DLG2: variants seen among roughly 807,000 people sequenced by gnomAD.
DLG2 encodes the protein discs large MAGUK scaffold protein 2, also known as disks large homolog 2.
In DLG2, 45 loss-of-function variants were observed where a neutral mutation model predicts 132.5. The ratio of observed to expected loss-of-function variants is 0.34; its 90% CI spans 0.27 to 0.44. The LOEUF (loss-of-function observed/expected upper bound fraction) is 0.44. Among genes scored for constraint, DLG2 ranks in the 20% least tolerant of loss-of-function variants. The pLI, the probability that DLG2 is intolerant of heterozygous loss-of-function variation, is 1.00. For missense variants in DLG2, 1,045 were observed against 1,196.9 expected (o/e 0.87, Z 1.87); for synonymous variants, 424 against 419.6 (o/e 1.01, Z -0.13).
At chr11:84,886,576 G>T (rs953544744) in intron 6 of DLG2, among the ~76,000 whole-genome samples, 1 of 152,042 alleles carries the variant, frequency 6.6e-6, no homozygotes, top group Admixed American at 6.6e-5. Flanking sequence ...ATTTATATTT[G>T]TATATTCGTT....
At chr11:85,294,352 A>C (rs1411528442) in intron 3 of DLG2, among the ~76,000 whole-genome samples, 1 of 152,054 alleles carries the variant, frequency 6.6e-6, no homozygotes, top group Non-Finnish European at 1.5e-5. Flanking sequence ...CATTTGTAAA[A>C]AAAAAAAATC....
chr11:85,367,244 T>A (rs1466778816), intron 3 of DLG2, among the ~76,000 whole-genome samples: 1 of 152,176 alleles, frequency 6.6e-6, no homozygotes, highest in Admixed American at 6.5e-5. Context: ...TGTTCAAATG[T>A]TCTAGAGGCA....
intron 8 of DLG2, among the ~76,000 whole-genome samples, chr11:84,232,188 CTATCT>C (rs2097102809): frequency 1.3e-5 from 2 of 152,178 alleles, no homozygotes; most frequent in African/African-American, 4.8e-5. Flanking sequence ...CTTTGCCATA[CTATCT>C]TTCTAAAGAA....
At chr11:84,128,274 T>C (rs80079358) in intron 9 of DLG2, among the ~76,000 whole-genome samples, 2,569 of 152,308 alleles carry the variant, frequency 0.017, 73 homozygotes, top group African/African-American at 0.058. Context: ...TCTAGCTAGT[T>C]GTATCCAATA....
At chr11:84,634,276 A>T (rs1226269727) in intron 6 of DLG2, among the ~76,000 whole-genome samples, 1 of 152,166 alleles carries the variant, frequency 6.6e-6, no homozygotes, top group African/African-American at 2.4e-5. Flanking sequence ...TCATTTTGAC[A>T]TTCTGAGTTG....
chr11:83,857,464 C>G (rs1303185742), intron 16 of DLG2, among the ~76,000 whole-genome samples: 1 of 151,972 alleles, frequency 6.6e-6, no homozygotes, highest in Non-Finnish European at 1.5e-5. Flanking sequence ...AATGTTTTTT[C>G]ATTTGTTTGT....
intron 6 of DLG2, among the ~76,000 whole-genome samples, chr11:84,676,098 C>T (rs924388929): frequency 6.6e-6 from 1 of 152,054 alleles, no homozygotes; most frequent in African/African-American, 2.4e-5. Context: ...TATCATTCTC[C>T]TGCTGACTTG....
At chr11:83,724,476 T>TGA (rs59782952) in intron 18 of DLG2, among the ~76,000 whole-genome samples, 3,396 of 118,108 alleles carry the variant, frequency 0.029, 58 homozygotes, top group East Asian at 0.058. Flanking sequence ...TGTGTGTGTG[T>TGA]GAGAGAGAGA....
chr11:84,276,967 C>A (rs557417128), intron 7 of DLG2, among the ~76,000 whole-genome samples: 1 of 152,246 alleles, frequency 6.6e-6, no homozygotes, highest in Non-Finnish European at 1.5e-5. Context: ...AAGAAACAAA[C>A]AAGGTGGGCC....
intron 14 of DLG2, among the ~76,000 whole-genome samples, chr11:83,945,991 C>CTTTTTTT (rs1163812479): frequency 8.6e-6 from 1 of 116,504 alleles, no homozygotes; most frequent in African/African-American, 4.0e-5. Flanking sequence ...TTCTCTCTCT[C>CTTTTTTT]TCTTTTTTTT....
intron 3 of DLG2, among the ~76,000 whole-genome samples, chr11:85,427,539 GA>G (rs2090854587): frequency 1.3e-5 from 2 of 152,176 alleles, no homozygotes; most frequent in African/African-American, 4.8e-5. Context: ...CTTCATAAGT[GA>G]AGGAGAAACA....
chr11:84,294,894 T>A (rs1429264665), intron 7 of DLG2, among the ~76,000 whole-genome samples: 2 of 152,148 alleles, frequency 1.3e-5, no homozygotes, highest in Non-Finnish European at 2.9e-5. Context: ...TTTACCCCAA[T>A]AAAATATGAT....
chr11:83,759,826 G>A (rs1404337593), intron 18 of DLG2, among the ~76,000 whole-genome samples: 1 of 152,124 alleles, frequency 6.6e-6, no homozygotes. Context: ...GTTCTATAAA[G>A]GACATCCAGA....
intron 17 of DLG2, among the ~76,000 whole-genome samples, chr11:83,789,204 T>G (rs1204033286): frequency 6.6e-6 from 1 of 152,202 alleles, no homozygotes; most frequent in Non-Finnish European, 1.5e-5. Flanking sequence ...TAAATCTTTT[T>G]AAAGTAATAG....
intron 11 of DLG2, among the ~76,000 whole-genome samples, chr11:84,032,740 T>G (rs2095739815): frequency 6.6e-6 from 1 of 152,202 alleles, no homozygotes; most frequent in African/African-American, 2.4e-5. Context: ...GAGAAGTCAA[T>G]GCCTAGCTCC....
At chr11:83,568,480 G>C (rs1187247622) in intron 19 of DLG2, among the ~76,000 whole-genome samples, 2 of 152,072 alleles carry the variant, frequency 1.3e-5, no homozygotes, top group African/African-American at 4.8e-5. Flanking sequence ...TACCAAATTA[G>C]GTCGAAATTA....
chr11:85,251,508 A>AC (rs2076394259), intron 4 of DLG2, among the ~76,000 whole-genome samples: 1 of 152,136 alleles, frequency 6.6e-6, no homozygotes, highest in Non-Finnish European at 1.5e-5. Flanking sequence ...CTTGATACAG[A>AC]TTTTTTTCAA....
chr11:85,161,098 T>A (rs1029699889), intron 4 of DLG2, among the ~76,000 whole-genome samples: 3 of 152,192 alleles, frequency 2.0e-5, no homozygotes, highest in Non-Finnish European at 4.4e-5. Flanking sequence ...GGAAGGGGTA[T>A]GTGGATGGAT....
At chr11:85,445,308 C>T (rs2091958288) in intron 3 of DLG2, among the ~76,000 whole-genome samples, 1 of 152,126 alleles carries the variant, frequency 6.6e-6, no homozygotes, top group African/African-American at 2.4e-5. Flanking sequence ...TAGACTCTCC[C>T]ATCTCCTGGA....
Sources: gnomAD v4.1 joint callset for allele counts (sites outside exome capture counted in the v4.1 genomes callset) on GRCh38, gnomAD v4.1.1 for gene constraint, MANE v1.5 for transcripts, NCBI Gene and HGNC (gene_info 2026-07-23, HGNC 2026-07-21) for gene names.